Variants in MALRD1 observed in about 807,000 individuals in gnomAD.
The protein encoded by MALRD1 is MAM and LDL receptor class A domain containing 1, also known as MAM and LDL-receptor class A domain-containing protein 1.
MALRD1 carries 247 observed loss-of-function variants against 242.1 expected under a neutral mutation model. The ratio of observed to expected loss-of-function variants is 1.02; its 90% CI spans 0.92 to 1.13. The LOEUF is 1.13. Among genes scored for constraint, MALRD1 ranks in the 50% most tolerant of loss-of-function variants. The probability of loss-of-function intolerance (pLI) is 0.00; values close to 1 mark genes in which losing one functional copy is unlikely to be tolerated. For missense variants in MALRD1, 2,989 were observed against 2,533.1 expected (o/e 1.18, Z -3.86); for synonymous variants, 995 against 866.6 (o/e 1.15, Z -2.60).
rs1212345811 is a variant in MALRD1 at position 19,595,305 on chromosome 10, ATGGAT to A, written c.5793_5797del (p.Gly1932Ter). The A allele has an allele frequency of 1.2e-5, 18 of 1,550,670 alleles. No homozygotes were observed. Among genetic ancestry groups the A allele is most frequent in the Non-Finnish European group, 1.5e-5 (17 of 1,147,010 alleles). On this transcript the variant is annotated frameshift_variant, in exon 34 of 40. Coordinates refer to ENST00000454679, the MANE Select transcript of MALRD1 (RefSeq NM_001142308.3). LOFTEE classifies it high-confidence loss of function. ...TGTGATGGACATGAAGACTGCATAG[ATGGAT>A]CTGATGAAATGGATTGTCCTCTCAG... is the stretch of plus-strand genomic sequence containing the variant.
intron 5 of MALRD1, among the ~76,000 whole-genome samples, chr10:19,108,397 T>TGAA (rs1564396533): frequency 1.5e-4 from 2 of 13,044 alleles, no homozygotes; most frequent in Admixed American, 8.5e-4. Flanking sequence ...CTTTTTTTTT[T>TGAA]TTTTTTTTTT....
At chr10:19,283,389 G>A (rs1273104768) in intron 21 of MALRD1, among the ~76,000 whole-genome samples, 1 of 152,118 alleles carries the variant, frequency 6.6e-6, no homozygotes, top group African/African-American at 2.4e-5. Context: ...AGAAACCGGA[G>A]AAGAACATGA....
intron 36 of MALRD1, among the ~76,000 whole-genome samples, chr10:19,638,694 T>A (rs1288371792): frequency 6.6e-6 from 1 of 152,144 alleles, no homozygotes; most frequent in African/African-American, 2.4e-5. Flanking sequence ...AGAGCTAGGG[T>A]TTGTTTGCAA....
intron 25 of MALRD1, among the ~76,000 whole-genome samples, chr10:19,349,756 A>G (rs1452143120): frequency 6.6e-6 from 1 of 152,182 alleles, no homozygotes; most frequent in Non-Finnish European, 1.5e-5. Context: ...TTAGTCTTAT[A>G]AACCTAATTA....
At chr10:19,321,935 G>A (rs1177643412) in intron 21 of MALRD1, among the ~76,000 whole-genome samples, 4 of 152,102 alleles carry the variant, frequency 2.6e-5, no homozygotes, top group African/African-American at 9.7e-5. Flanking sequence ...AGATGTGAAA[G>A]ACCAATGAGG....
At chr10:19,425,589 G>T (rs1054904255) in intron 28 of MALRD1, among the ~76,000 whole-genome samples, 2 of 152,130 alleles carry the variant, frequency 1.3e-5, no homozygotes, top group Non-Finnish European at 2.9e-5. Flanking sequence ...TCGATGGGCT[G>T]CAGAGAACTG....
intron 24 of MALRD1, among the ~76,000 whole-genome samples, chr10:19,342,089 G>C (rs142558312): frequency 6.6e-6 from 1 of 152,058 alleles, no homozygotes; most frequent in Non-Finnish European, 1.5e-5. Context: ...TTTGCAGTAA[G>C]TTTATATTAC....
intron 26 of MALRD1, among the ~76,000 whole-genome samples, chr10:19,362,019 C>T (rs1266467510): frequency 6.6e-6 from 1 of 152,060 alleles, no homozygotes; most frequent in African/African-American, 2.4e-5. Flanking sequence ...TATTCTAATT[C>T]TGCAATCTGA....
chr10:19,694,326 A>G (rs967792272), intron 38 of MALRD1, among the ~76,000 whole-genome samples: 19 of 152,230 alleles, frequency 1.2e-4, no homozygotes, highest in Non-Finnish European at 2.5e-4. Flanking sequence ...CAATCTACTC[A>G]TCTGACAAAG....
chr10:19,659,502 T>C (rs1841321729), intron 36 of MALRD1, among the ~76,000 whole-genome samples: 4 of 152,170 alleles, frequency 2.6e-5, no homozygotes, highest in Admixed American at 2.6e-4. Flanking sequence ...GATATATAGA[T>C]AACCTTAAAT....
At position 19,546,382 on chromosome 10, in the gene MALRD1, G is replaced by A. The variant is rs1332475635; in HGVS notation, c.5478+15031G>A. On this transcript the variant is annotated intron_variant, in intron 32 of 39. Transcript: ENST00000454679. ...AGGTACACGTATTTTTATGGCAGTCGTAAGGGACATTGCATCATTTCTCTG... is the reference window on the plus strand; with the variant it reads ...AGGTACACGTATTTTTATGGCAGTCATAAGGGACATTGCATCATTTCTCTG... 3.9e-5 allele frequency among the ~76,000 whole-genome samples: 6 copies of A among 152,252 alleles called. No individual in the cohort carries two copies. The East Asian group carries it at 5.8e-4, about 15-fold the overall frequency.
At chr10:19,152,154 C>T (rs950374573) in intron 11 of MALRD1, among the ~76,000 whole-genome samples, 8 of 152,084 alleles carry the variant, frequency 5.3e-5, no homozygotes, top group Admixed American at 5.2e-4. Flanking sequence ...TTACAATAAA[C>T]AAATCTGATT....
intron 19 of MALRD1, among the ~76,000 whole-genome samples, chr10:19,268,665 C>G (rs1480010732): frequency 6.6e-6 from 1 of 152,026 alleles, no homozygotes; most frequent in African/African-American, 2.4e-5. Flanking sequence ...AATCATATGT[C>G]TAAAGTTGGT....
At chr10:19,687,954 T>C (rs1180531153) in intron 36 of MALRD1, among the ~76,000 whole-genome samples, 1 of 151,192 alleles carries the variant, frequency 6.6e-6, no homozygotes, top group East Asian at 1.9e-4. Context: ...TTATGTTATG[T>C]TATGTTATGT....
chr10:19,128,533 A>G (rs1283173366), intron 8 of MALRD1, 146 bp downstream of exon 8: 2 of 478,346 alleles, frequency 4.2e-6, no homozygotes, highest in Admixed American at 4.4e-5. Flanking sequence ...AAGAATGATT[A>G]AGAAACTAGG....
At position 19,655,616 on chromosome 10, in the gene MALRD1, A is replaced by G. The variant is rs560901077; in HGVS notation, c.6138-36666A>G. 1.1e-3 allele frequency among the ~76,000 whole-genome samples: 160 copies of G among 148,774 alleles called. 2 individuals carry two copies. The highest frequency in any genetic ancestry group is 2.4e-3 in the Admixed American group (36 of 14,766). On this transcript the variant is annotated intron_variant, in intron 36 of 39. Coordinates refer to ENST00000454679, the MANE Select transcript of MALRD1 (RefSeq NM_001142308.3). ...ATTCTAATTATACATGAAATATAAC[A>G]TAATTGCTTTGTGAGATATATCTAG...
intron 10 of MALRD1, among the ~76,000 whole-genome samples, chr10:19,144,634 C>A (rs1187805424): frequency 6.6e-6 from 1 of 152,166 alleles, no homozygotes; most frequent in African/African-American, 2.4e-5. Flanking sequence ...TGGTCAGAAG[C>A]AAACCCATGG....
At chr10:19,253,468 G>A (rs1839382354) in intron 18 of MALRD1, among the ~76,000 whole-genome samples, 3 of 151,980 alleles carry the variant, frequency 2.0e-5, no homozygotes, top group South Asian at 4.1e-4. Flanking sequence ...TTCAACAAAT[G>A]TACAGTTGTC....
intron 18 of MALRD1, among the ~76,000 whole-genome samples, chr10:19,236,256 C>G (rs1292447969): frequency 6.6e-6 from 1 of 151,880 alleles, no homozygotes; most frequent in Non-Finnish European, 1.5e-5. Context: ...AGGCTTTGAC[C>G]CAGGCTTTGA....
Sources: allele counts gnomAD v4.1 joint callset (sites outside exome capture counted in the v4.1 genomes callset), GRCh38; gene constraint gnomAD v4.1.1; transcripts MANE v1.5; gene names NCBI Gene and HGNC (gene_info 2026-07-23, HGNC 2026-07-21).